RBFOX1: variants seen among roughly 807,000 people sequenced by gnomAD.
RBFOX1 encodes RNA binding fox-1 homolog 1, also known as RNA binding protein fox-1 homolog 1.
In RBFOX1, 8 loss-of-function variants were observed where a neutral mutation model predicts 57.7. That is an observed-to-expected ratio of 0.14 (90% CI 0.08 to 0.25). The LOEUF (loss-of-function observed/expected upper bound fraction) is 0.25, where lower values mean the gene tolerates loss of function less well. Among genes scored for constraint, RBFOX1 ranks in the 10% least tolerant of loss-of-function variants. The pLI, the probability that RBFOX1 is intolerant of heterozygous loss-of-function variation, is 1.00. For missense variants in RBFOX1, 611 were observed against 548.5 expected, an observed-to-expected ratio of 1.11 and a Z score of -1.14; for synonymous variants, 326 against 222.4, an observed-to-expected ratio of 1.47 and a Z score of -4.15.
In RBFOX1 at chr16:6,800,715, A is replaced by G. The variant is rs140508030; in HGVS notation, c.-16+146065A>G. Among the ~76,000 whole-genome samples the G allele has an allele frequency of 1.4e-3, 220 of 152,248 alleles. 1 individual carries two copies. Among genetic ancestry groups the G allele is most frequent in the African/African-American group, 5.0e-3 (209 of 41,556 alleles). ...CCCGTGGACGTTCAGTTTTTCCTAA[A>G]AAGACTCCTTTTATCTTTTAGATAA... is the stretch of plus-strand genomic sequence containing the variant. On this transcript the variant is annotated intron_variant, in intron 3 of 15. Coordinates refer to ENST00000550418, the MANE Select transcript of RBFOX1 (RefSeq NM_018723.4).
intron 4 of RBFOX1, among the ~76,000 whole-genome samples, chr16:7,473,956 C>G (rs531634789): frequency 6.6e-6 from 1 of 152,084 alleles, no homozygotes; most frequent in Non-Finnish European, 1.5e-5. Flanking sequence ...GGCAAGCAAT[C>G]GAGACGTTAT....
At chr16:6,836,172 C>T (rs757653352) in intron 3 of RBFOX1, among the ~76,000 whole-genome samples, 20 of 152,116 alleles carry the variant, frequency 1.3e-4, no homozygotes, top group Non-Finnish European at 2.6e-4. Context: ...CACCGGGTAA[C>T]GCATTATTGA....
chr16:6,349,101 C>G (rs988273785), intron 2 of RBFOX1, among the ~76,000 whole-genome samples: 3 of 152,166 alleles, frequency 2.0e-5, no homozygotes, highest in Admixed American at 6.5e-5. Flanking sequence ...GTTGCTATCT[C>G]TTTCAAATTC....
At chr16:7,689,817 A>C (rs918949311) in intron 14 of RBFOX1, among the ~76,000 whole-genome samples, 6 of 152,222 alleles carry the variant, frequency 3.9e-5, no homozygotes, top group African/African-American at 1.4e-4. Flanking sequence ...CAAGAGTATG[A>C]TATGGCCACT....
At chr16:7,447,270 T>A (rs1202580192) in intron 4 of RBFOX1, among the ~76,000 whole-genome samples, 1 of 151,540 alleles carries the variant, frequency 6.6e-6, no homozygotes, top group Non-Finnish European at 1.5e-5. Flanking sequence ...CCATCTCTAC[T>A]AAAAATACAA....
chr16:7,386,462 G>A (rs983695906), intron 4 of RBFOX1, among the ~76,000 whole-genome samples: 1 of 140,106 alleles, frequency 7.1e-6, no homozygotes, highest in Non-Finnish European at 1.5e-5. Flanking sequence ...TCCCACTTAT[G>A]AGAACATGTG....
intron 2 of RBFOX1, among the ~76,000 whole-genome samples, chr16:6,621,277 C>A (rs146645764): frequency 6.6e-6 from 1 of 151,702 alleles, no homozygotes; most frequent in Non-Finnish European, 1.5e-5. Flanking sequence ...TTGGCTAACA[C>A]GGTGAAACCC....
chr16:6,929,016 A>T, intron 3 of RBFOX1, among the ~76,000 whole-genome samples: 1 of 152,164 alleles, frequency 6.6e-6, no homozygotes, highest in East Asian at 1.9e-4. Context: ...CGCATGCTTG[A>T]GTTCCAAGGG....
intron 4 of RBFOX1, among the ~76,000 whole-genome samples, chr16:7,365,935 C>T (rs2097435517): frequency 2.0e-5 from 3 of 152,176 alleles, no homozygotes. Flanking sequence ...AACTAGCTTC[C>T]TGCACATGGT....
At chr16:5,715,888 G>C (rs985173134) in intron 3 of RBFOX1, among the ~76,000 whole-genome samples, 1 of 152,182 alleles carries the variant, frequency 6.6e-6, no homozygotes, top group South Asian at 2.1e-4. Context: ...AATATTTGTT[G>C]AGTGGTGCAG....
At chr16:6,137,497 G>C (rs113945532) in intron 1 of RBFOX1, among the ~76,000 whole-genome samples, 1 of 151,936 alleles carries the variant, frequency 6.6e-6, no homozygotes, top group African/African-American at 2.4e-5. Flanking sequence ...GTAGACACGG[G>C]GTTTCACCAT....
intron 2 of RBFOX1, among the ~76,000 whole-genome samples, chr16:6,375,846 A>G (rs771266856): frequency 9.9e-5 from 15 of 152,134 alleles, no homozygotes; most frequent in Non-Finnish European, 1.8e-4. Context: ...CTGCATAAAC[A>G]ATGCAAAAAA....
chr16:6,521,474 T>C, intron 2 of RBFOX1, among the ~76,000 whole-genome samples: 1 of 127,906 alleles, frequency 7.8e-6, no homozygotes, highest in African/African-American at 2.9e-5. Context: ...TCCTCTCTTC[T>C]CTTCCTCTCC....
chr16:7,405,282 G>C (rs2098320591), intron 4 of RBFOX1, among the ~76,000 whole-genome samples: 2 of 152,226 alleles, frequency 1.3e-5, no homozygotes, highest in Admixed American at 1.3e-4. Context: ...CCCAGAGGCA[G>C]GGCCTCTCCT....
intron 4 of RBFOX1, among the ~76,000 whole-genome samples, chr16:7,306,550 G>C (rs989167433): frequency 2.0e-5 from 3 of 149,720 alleles, no homozygotes; most frequent in African/African-American, 7.4e-5. Flanking sequence ...TTTATAATGT[G>C]ATACTATGAC....
intron 4 of RBFOX1, among the ~76,000 whole-genome samples, chr16:7,099,766 A>T (rs527473377): frequency 6.6e-6 from 1 of 152,192 alleles, no homozygotes; most frequent in East Asian, 1.9e-4. Flanking sequence ...ATTTACACAT[A>T]TTCTGATGGG....
chr16:6,269,523 A>G (rs2074953817), intron 1 of RBFOX1, among the ~76,000 whole-genome samples: 2 of 152,216 alleles, frequency 1.3e-5, no homozygotes, highest in Non-Finnish European at 2.9e-5. Flanking sequence ...ATAGGAGGAA[A>G]CCCATTTGAA....
intron 3 of RBFOX1, among the ~76,000 whole-genome samples, chr16:6,855,947 G>T (rs1469857344): frequency 6.7e-6 from 1 of 150,344 alleles, no homozygotes; most frequent in Non-Finnish European, 1.5e-5. Flanking sequence ...TCACTTCATG[G>T]GCTCTGTCAT....
At chr16:7,634,646 C>A (rs2061482705) in intron 11 of RBFOX1, among the ~76,000 whole-genome samples, 1 of 152,122 alleles carries the variant, frequency 6.6e-6, no homozygotes. Flanking sequence ...GAAAGATTTT[C>A]ACTGATAACT....
Sources: allele counts gnomAD v4.1 joint callset (sites outside exome capture counted in the v4.1 genomes callset), GRCh38; gene constraint gnomAD v4.1.1; transcripts MANE v1.5; gene names NCBI Gene and HGNC (gene_info 2026-07-23, HGNC 2026-07-21).